Variants in RIMBP2 observed in about 807,000 individuals in gnomAD.
RIMBP2 encodes RIMS-binding protein 2.
Under a neutral mutation model 118.6 loss-of-function variants are expected in RIMBP2, and 48 were observed. That is an observed-to-expected ratio of 0.40 (90% confidence interval 0.32 to 0.51). The LOEUF is 0.51. Among genes scored for constraint, RIMBP2 ranks in the 20% least tolerant of loss-of-function variants. RIMBP2 has a pLI of 0.41. For synonymous variants in RIMBP2, 762 were observed against 742.9 expected, an observed-to-expected ratio of 1.03 and a Z score of -0.42; for missense variants, 1,551 against 1,768.3, an observed-to-expected ratio of 0.88 and a Z score of 2.20.
chr12:130,545,041 T>C (rs1271261880), intron 2 of RIMBP2, among the ~76,000 whole-genome samples: 1 of 152,202 alleles, frequency 6.6e-6, no homozygotes, highest in African/African-American at 2.4e-5. Context: ...TAGGCATCCA[T>C]TGAACAAAAT....
chr12:130,604,574 C>T (rs1203866383), intron 2 of RIMBP2, among the ~76,000 whole-genome samples: 1 of 91,294 alleles, frequency 1.1e-5, no homozygotes, highest in Non-Finnish European at 2.2e-5. Context: ...TATACAGATG[C>T]CCCTTTTCTT....
Position 130,640,166 on chromosome 12 carries a change from G to A in RIMBP2, c.-351-11710C>T, listed in dbSNP as rs367823486. Among the ~76,000 whole-genome samples the A allele has an allele frequency of 8.5e-5, 13 of 152,126 alleles. 1 individual carries two copies. Among genetic ancestry groups the A allele is most frequent in the East Asian group, 1.9e-4 (1 of 5,190 alleles). On this transcript the variant is annotated intron_variant, in intron 1 of 22. Transcript: ENST00000690449. ...AAGGAAGATGGGGAACAAACACACC[G>A]CCTAGAACCAACCTTGCTGCTCAAG...
intron 2 of RIMBP2, among the ~76,000 whole-genome samples, chr12:130,613,833 A>AC (rs1555308706): frequency 6.7e-6 from 1 of 150,360 alleles, no homozygotes; most frequent in Non-Finnish European, 1.5e-5. Context: ...AAAAAAAAAA[A>AC]CTCAGTCTCA....
intron 2 of RIMBP2, among the ~76,000 whole-genome samples, chr12:130,618,074 A>C (rs2061066096): frequency 6.6e-6 from 1 of 151,950 alleles, no homozygotes; most frequent in South Asian, 2.1e-4. Context: ...TAACTCTCAT[A>C]AGAGTCACGG....
rs193188313 is a variant in RIMBP2, at chr12:130,424,724, G to C, written c.2547C>G (p.His849Gln). The change falls in exon 16 of 23, where the codon CAC (histidine) becomes CAG (glutamine). Residue 849 changes from histidine (H) to glutamine (Q), a missense_variant. By Grantham distance (24) the His-to-Gln change is conservative. Around this residue, in one of 5 missense-constraint regions of RIMBP2, gnomAD observed 1,038 missense variants for 1,125.1 expected, o/e 0.92. Coordinates refer to ENST00000690449, the MANE Select transcript of RIMBP2 (RefSeq NM_001393629.1). This position sits in a 1 kb window ranked among gnomAD's most constrained non-coding sequence, Gnocchi z 9.8. The stretch of plus-strand genomic sequence containing the variant: ...TGGGGGACGGCCCTGCACCCTGCTT[G>C]TGTAGCAGCCCACAGCACTCTCCGT... The part of the protein sequence containing the change: ...EEDGECCGLL[H>Q]KQGAGPSPRA... 8.1e-7 allele frequency: 1 copy of C among 1,232,170 alleles called. No homozygotes were observed. Among genetic ancestry groups the C allele is most frequent in the African/African-American group, 1.6e-5 (1 of 64,424 alleles). 76.3% of individuals were successfully genotyped at this position (1,232,170 alleles called of 1,614,324 possible).
At chr12:130,652,039 AT>A (rs751520233) in intron 1 of RIMBP2, among the ~76,000 whole-genome samples, 1 of 152,136 alleles carries the variant, frequency 6.6e-6, no homozygotes, top group Non-Finnish European at 1.5e-5. Flanking sequence ...CCTCAGCTTT[AT>A]CTTGTTAGTC....
intron 2 of RIMBP2, among the ~76,000 whole-genome samples, chr12:130,538,595 G>T (rs945455486): frequency 1.3e-5 from 2 of 152,196 alleles, no homozygotes; most frequent in African/African-American, 4.8e-5. Context: ...CTGCATGCCA[G>T]AGTCTGCACA....
chr12:130,555,466 A>G (rs2056260239), intron 2 of RIMBP2, among the ~76,000 whole-genome samples: 1 of 152,176 alleles, frequency 6.6e-6, no homozygotes, highest in Non-Finnish European at 1.5e-5. Flanking sequence ...ATTCCACTTA[A>G]TGAACTCAAG....
intron 2 of RIMBP2, among the ~76,000 whole-genome samples, chr12:130,537,727 T>C (rs1178268111): frequency 6.6e-6 from 1 of 152,332 alleles, no homozygotes; most frequent in South Asian, 2.1e-4. Flanking sequence ...TCTCGTCCTA[T>C]CATAAATTCA....
intron 14 of RIMBP2, chr12:130,432,200 C>T: frequency 2.2e-6 from 1 of 456,462 alleles, no homozygotes; most frequent in Non-Finnish European, 4.4e-6. Flanking sequence ...GAACGTGGCA[C>T]ATGGGGAAAG....
intron 1 of RIMBP2, among the ~76,000 whole-genome samples, chr12:130,636,815 T>G (rs191743806): frequency 3.2e-4 from 49 of 152,222 alleles, no homozygotes; most frequent in Non-Finnish European, 6.6e-4. Context: ...AAGCTGTAAC[T>G]GAAGCTGGAT....
intron 1 of RIMBP2, among the ~76,000 whole-genome samples, chr12:130,682,189 G>A (rs548327177): frequency 6.2e-4 from 94 of 152,316 alleles, no homozygotes; most frequent in African/African-American, 2.2e-3. Flanking sequence ...TTCCTAGACA[G>A]ACAGCCTCGT....
chr12:130,544,405 T>C (rs571621824), intron 2 of RIMBP2, among the ~76,000 whole-genome samples: 4 of 152,196 alleles, frequency 2.6e-5, no homozygotes, highest in Non-Finnish European at 4.4e-5. Flanking sequence ...TACTCATTGA[T>C]GCTGAGATAC....
chr12:130,579,577 G>C (rs541805072), intron 2 of RIMBP2, among the ~76,000 whole-genome samples: 1 of 152,278 alleles, frequency 6.6e-6, no homozygotes, highest in East Asian at 1.9e-4. Context: ...CCTCATAGCT[G>C]TGAGTATGAC....
chr12:130,512,061 C>A lies in RIMBP2; in HGVS notation c.-126-5291G>T, dbSNP rs141210565. ...CTAATTCAGCAGCCGCTGATCCCACCTGGATAGAGGACTGATGCCACTAAA... is the reference window on the plus strand; with the variant it reads ...CTAATTCAGCAGCCGCTGATCCCACATGGATAGAGGACTGATGCCACTAAA... On this transcript the variant is annotated intron_variant, in intron 3 of 22. Transcript: ENST00000690449. Among the ~76,000 whole-genome samples, 860 of 152,336 alleles carry A rather than the reference C, an allele frequency of 5.6e-3. 9 individuals carry two copies. Among genetic ancestry groups the A allele is most frequent in the African/African-American group, 0.02 (817 of 41,584 alleles).
At chr12:130,685,327 A>G (rs1264572632) in intron 1 of RIMBP2, among the ~76,000 whole-genome samples, 1 of 152,224 alleles carries the variant, frequency 6.6e-6, no homozygotes, top group East Asian at 1.9e-4. Context: ...ATCATGTTGT[A>G]TATCTTAAAT....
chr12:130,466,222 G>A (rs185844389), intron 6 of RIMBP2: 1 of 152,310 alleles, frequency 6.6e-6, no homozygotes, highest in African/African-American at 2.4e-5. Context: ...AGGACGCTAA[G>A]TGCCAAAGGA....
chr12:130,701,498 G>A (rs952216481), intron 1 of RIMBP2, among the ~76,000 whole-genome samples: 1 of 152,146 alleles, frequency 6.6e-6, no homozygotes, highest in African/African-American at 2.4e-5. Context: ...ACTCAGGGGC[G>A]GAGAGCAGCC....
chr12:130,487,661 G>A (rs1003493741), intron 4 of RIMBP2, among the ~76,000 whole-genome samples: 1 of 152,152 alleles, frequency 6.6e-6, no homozygotes, highest in African/African-American at 2.4e-5. Context: ...CAAGTGTCCT[G>A]ACCAGTGACC....
Sources: allele counts gnomAD v4.1 joint callset (sites outside exome capture counted in the v4.1 genomes callset), GRCh38; gene constraint gnomAD v4.1.1; regional missense constraint gnomAD v4.1.1; non-coding constraint Gnocchi (gnomAD v3.1); transcripts MANE v1.5; gene names NCBI Gene and HGNC (gene_info 2026-07-23, HGNC 2026-07-21).